Variants in MTUS1 observed in about 807,000 individuals in gnomAD.
MTUS1 encodes microtubule associated scaffold protein 1.
A neutral mutation model predicts 120.8 loss-of-function variants in MTUS1; 109 were observed. The ratio of observed to expected loss-of-function variants is 0.90; its 90% CI spans 0.77 to 1.06. The LOEUF is 1.06. Ranked by LOEUF, MTUS1 falls within the 50% of genes least tolerant of loss-of-function variation. The pLI, the probability that MTUS1 is intolerant of heterozygous loss-of-function variation, is 0.00. For missense variants in MTUS1, 2,210 were observed against 1,486.3 expected (o/e 1.49, Z -8.01); for synonymous variants, 737 against 550.5 (o/e 1.34, Z -4.74).
chr8:17,708,825 A>C (rs1481036432), intron 6 of MTUS1: 1 of 152,198 alleles, frequency 6.6e-6, no homozygotes, highest in Non-Finnish European at 1.5e-5. Context: ...CCTAGCTTTA[A>C]GAGCCTACAA....
chr8:17,754,601 G>C lies in MTUS1; in HGVS notation c.1207C>G (p.Gln403Glu), dbSNP rs1277616698. Residue 403 changes from glutamine (Q) to glutamate (E), a missense_variant, in exon 2 of 15, where the codon CAA becomes GAA. By Grantham distance (29) the Gln-to-Glu change is conservative. Transcript: ENST00000693296. ...SELILSSPPG[Q>E]KVGSSFGLTW... Reference sequence around the variant, plus strand: ...AGTCCAAATGACGAGCCCACCTTTTGTCCTGGCGGGCTACTTAGAATCAAT... The same window carrying C: ...AGTCCAAATGACGAGCCCACCTTTTCTCCTGGCGGGCTACTTAGAATCAAT... The C allele has an allele frequency of 1.2e-6, 2 of 1,614,178 alleles. No individual in the cohort carries two copies. Among genetic ancestry groups the C allele is most frequent in the Non-Finnish European group, 8.5e-7 (1 of 1,180,022 alleles).
intron 8 of MTUS1, among the ~76,000 whole-genome samples, chr8:17,660,930 G>A (rs1013001663): frequency 3.3e-5 from 5 of 152,226 alleles, no homozygotes; most frequent in African/African-American, 1.2e-4. Flanking sequence ...ACGGAGGCCA[G>A]ATTACAGGGG....
In MTUS1 at chr8:17,684,343, C is replaced by T. The variant is rs764784058; in HGVS notation, c.2823G>A (p.Gln941=). 1 of 1,613,788 alleles carries T rather than the reference C, an allele frequency of 6.2e-7. No homozygotes were observed. The highest frequency in any genetic ancestry group is 8.5e-7 in the Non-Finnish European group (1 of 1,179,776). The change falls in exon 7 of 15, where the codon CAG becomes CAA. Residue 941 remains glutamine (Q), a synonymous_variant. Transcript: ENST00000693296. ...TKFEALTVVI[Q]HLLSEREEAL... ...ACCTCCTTACCTCAGACAGCAGGTGCTGAATCACAACTGTCAATGCCTCAA... is the reference window on the plus strand; with the variant it reads ...ACCTCCTTACCTCAGACAGCAGGTGTTGAATCACAACTGTCAATGCCTCAA...
At chr8:17,784,698 G>C (rs1350711639) in intron 1 of MTUS1, among the ~76,000 whole-genome samples, 1 of 152,104 alleles carries the variant, frequency 6.6e-6, no homozygotes, top group Admixed American at 6.5e-5. Flanking sequence ...TCTCCGAGAA[G>C]TTCCGTGGCT....
intron 1 of MTUS1, among the ~76,000 whole-genome samples, chr8:17,757,863 G>C (rs148623040): frequency 1.3e-5 from 2 of 152,170 alleles, no homozygotes; most frequent in African/African-American, 4.8e-5. Context: ...TTATGCTTTT[G>C]GTCAAACTGC....
intron 2 of MTUS1, 65 bp downstream of exon 2, chr8:17,753,652 C>T: frequency 9.1e-7 from 1 of 1,093,998 alleles, no homozygotes; most frequent in South Asian, 1.7e-5. Context: ...TAACTAAATG[C>T]TAACACATCT....
rs1363070362 is a variant in MTUS1, at chr8:17,755,921, T to A, written c.-114A>T. ...GTTTTTCAGCACAGTTGAAAGGTTTTCAGTCTAAGATGCTCTGAAGATTAA... is the reference window on the plus strand; with the variant it reads ...GTTTTTCAGCACAGTTGAAAGGTTTACAGTCTAAGATGCTCTGAAGATTAA... On this transcript the variant is annotated 5_prime_UTR_variant, in exon 2 of 15. Coordinates refer to ENST00000693296, the MANE Select transcript of MTUS1 (RefSeq NM_001363059.2). The A allele has an allele frequency of 4.1e-6, 6 of 1,467,570 alleles. No individual in the cohort carries two copies. The East Asian group carries it at 9.3e-5, about 23-fold the overall frequency. 90.9% of individuals were successfully genotyped at this position (1,467,570 alleles called of 1,614,324 possible).
intron 7 of MTUS1, chr8:17,675,961 G>T: frequency 3.9e-6 from 1 of 256,306 alleles, no homozygotes; most frequent in Non-Finnish European, 7.4e-6. Context: ...AGCAACTCCC[G>T]GCAATCACAC....
At chr8:17,679,133 A>G (rs1330106389) in intron 7 of MTUS1, among the ~76,000 whole-genome samples, 1 of 98,166 alleles carries the variant, frequency 1.0e-5, no homozygotes, top group East Asian at 3.0e-4. Context: ...TCTCTTAACC[A>G]TTTTCACCCA....
At chr8:17,661,924 G>A (rs1359674237) in intron 8 of MTUS1, among the ~76,000 whole-genome samples, 1 of 152,182 alleles carries the variant, frequency 6.6e-6, no homozygotes, top group African/African-American at 2.4e-5. Context: ...TGAAGGAAGT[G>A]GCCTGGGCTG....
chr8:17,653,857 A>C (rs1035539717), intron 10 of MTUS1: 16 of 185,448 alleles, frequency 8.6e-5, no homozygotes, highest in Non-Finnish European at 1.3e-4. Flanking sequence ...TGCTCTTCAT[A>C]ACCTAAACAT....
At chr8:17,647,737 C>T (rs903184994) in intron 13 of MTUS1, among the ~76,000 whole-genome samples, 14 of 152,232 alleles carry the variant, frequency 9.2e-5, no homozygotes, top group African/African-American at 2.9e-4. Flanking sequence ...AACTGATCAG[C>T]GGAGAGATGA....
At chr8:17,721,951 C>G in intron 4 of MTUS1, 7 of 1,558,678 alleles carry the variant, frequency 4.5e-6, no homozygotes, top group Non-Finnish European at 6.1e-6. Flanking sequence ...GCCATGTTCA[C>G]TCTCATATCC....
chr8:17,715,540 C>T (rs1270614433), intron 5 of MTUS1, among the ~76,000 whole-genome samples: 1 of 152,160 alleles, frequency 6.6e-6, no homozygotes, highest in African/African-American at 2.4e-5. Context: ...CTACCTTATA[C>T]CTTTGTTCTG....
At chr8:17,759,995 G>A (rs991001286) in intron 1 of MTUS1, among the ~76,000 whole-genome samples, 4 of 151,432 alleles carry the variant, frequency 2.6e-5, no homozygotes, top group Non-Finnish European at 4.4e-5. Context: ...CATCATTTGA[G>A]CCCAGGAGTT....
chr8:17,784,045 G>C (rs546990210), intron 1 of MTUS1, among the ~76,000 whole-genome samples: 95 of 152,252 alleles, frequency 6.2e-4, no homozygotes, highest in Non-Finnish European at 6.3e-4. Flanking sequence ...CGTTTTAAAA[G>C]CAAATAATTC....
At chr8:17,696,137 G>C (rs1033473902) in intron 6 of MTUS1, among the ~76,000 whole-genome samples, 9 of 152,132 alleles carry the variant, frequency 5.9e-5, no homozygotes, top group Non-Finnish European at 8.8e-5. Context: ...AGCTGGGAGA[G>C]GAGGGCCACT....
Position 17,740,242 on chromosome 8 carries a change from C to T in MTUS1, c.2287+3362G>A, listed in dbSNP as rs368675867. Among the ~76,000 whole-genome samples the T allele has an allele frequency of 9.9e-5, 15 of 151,986 alleles. No homozygotes were observed. The East Asian group carries it at 1.7e-3, about 18-fold the overall frequency. ...AAAGGAAAAGAAAAAGGAAAAAGAA[C>T]AGCTGTGTTGGGTTTAATTACAATT... On this transcript the variant is annotated intron_variant, in intron 3 of 14. Coordinates refer to ENST00000693296, the MANE Select transcript of MTUS1 (RefSeq NM_001363059.2).
rs1807409519 is a variant in MTUS1, at chr8:17,653,196, T to C, written c.3374A>G (p.Lys1125Arg). The C allele has an allele frequency of 1.9e-6, 3 of 1,542,742 alleles. No individual in the cohort carries two copies. Among genetic ancestry groups the C allele is most frequent in the Non-Finnish European group, 2.6e-6 (3 of 1,147,870 alleles). The stretch of plus-strand genomic sequence containing the variant: ...GCACACACAACTTACCAAATTTGCT[T>C]TTTCTCTTGCTCTTCTTTTTTGTTC... ...SEEQKRRARE[K>R]ANLKNPQIMY... Residue 1125 changes from lysine to arginine, a missense_variant, in exon 12 of 15, where the codon AAA becomes AGA. Physicochemically the swap from Lys to Arg is conservative, Grantham distance 26 (BLOSUM62 2). Coordinates refer to ENST00000693296, the MANE Select transcript of MTUS1 (RefSeq NM_001363059.2).
Sources: allele counts gnomAD v4.1 joint callset (sites outside exome capture counted in the v4.1 genomes callset), GRCh38; gene constraint gnomAD v4.1.1; transcripts MANE v1.5; gene names NCBI Gene and HGNC (gene_info 2026-07-23, HGNC 2026-07-21).